Variants in RP1 observed in about 807,000 individuals in gnomAD.
RP1 encodes the protein RP1 axonemal microtubule associated, also known as oxygen-regulated protein 1.
A neutral mutation model predicts 14.8 loss-of-function variants in RP1; 16 were observed. The ratio of observed to expected loss-of-function variants is 1.08; its 90% CI spans 0.73 to 1.65. The LOEUF (loss-of-function observed/expected upper bound fraction) is 1.65, where lower values mean the gene tolerates loss of function less well. RP1 is among the 40% of genes most tolerant of loss of function. RP1 has a pLI of 0.00. For synonymous variants in RP1, 876 were observed against 883.6 expected (o/e 0.99, Z 0.15); for missense variants, 2,631 against 2,535.0 (o/e 1.04, Z -0.81).
intron 3 of RP1, among the ~76,000 whole-genome samples, chr8:54,647,220 A>G (rs1283748709): frequency 6.6e-6 from 1 of 152,098 alleles, no homozygotes; most frequent in Non-Finnish European, 1.5e-5. Context: ...GTTTGAGACC[A>G]GCCTGACCAA....
chr8:54,763,087 C>G (rs1391902045), intron 22 of RP1, among the ~76,000 whole-genome samples: 1 of 152,082 alleles, frequency 6.6e-6, no homozygotes, highest in Non-Finnish European at 1.5e-5. Flanking sequence ...ACCCAGTATA[C>G]TTTTTGAGTG....
rs551970585 is a variant in RP1, at chr8:54,849,929, C to T, written c.3836-2645C>T. Among the ~76,000 whole-genome samples, 10 of 152,214 alleles carry T rather than the reference C, an allele frequency of 6.6e-5. No homozygotes were observed. The South Asian group carries it at 2.1e-3, about 32-fold the overall frequency. ...CAAAAGTGAAAAAATAGTGAAAATA[C>T]ATAGTGTAGCTATCAATTGAATTGG... On this transcript the variant is annotated intron_variant, in intron 25 of 28. Transcript: ENST00000637698.
intron 1 of RP1, among the ~76,000 whole-genome samples, chr8:54,605,122 T>G (rs1805396304): frequency 6.6e-6 from 1 of 152,184 alleles, no homozygotes; most frequent in African/African-American, 2.4e-5. Context: ...TTCTTTTAAT[T>G]GTGATGTTAG....
chr8:54,639,054 A>C (rs200169384), intron 3 of RP1, among the ~76,000 whole-genome samples: 1 of 152,156 alleles, frequency 6.6e-6, no homozygotes, highest in Non-Finnish European at 1.5e-5. Flanking sequence ...CCATCACTCA[A>C]AAAAGGACTT....
chr8:54,644,012 A>T (rs1393544034), intron 3 of RP1, among the ~76,000 whole-genome samples: 1 of 152,228 alleles, frequency 6.6e-6, no homozygotes, highest in Non-Finnish European at 1.5e-5. Context: ...ATAATTTCAC[A>T]AAGTCCCAAA....
At chr8:54,781,046 A>G in intron 23 of RP1, 1 of 984,750 alleles carries the variant, frequency 1.0e-6, no homozygotes, top group Non-Finnish European at 1.2e-6. Context: ...AGTATTTTTA[A>G]CACAAAAGGA....
At chr8:54,744,109 T>C (rs1202705099) in intron 19 of RP1, among the ~76,000 whole-genome samples, 9 of 152,210 alleles carry the variant, frequency 5.9e-5, no homozygotes, top group Non-Finnish European at 4.4e-5. Flanking sequence ...AGGTAAAATC[T>C]ATTAACATTC....
chr8:54,770,214 C>T (rs1162693222), downstream of RP1: 1 of 399,728 alleles, frequency 2.5e-6, no homozygotes, highest in Admixed American at 4.3e-5. Flanking sequence ...TGAAATAATC[C>T]ATTTCTGTTT....
exon 13 of RP1, chr8:54,699,526 A>G (rs1289160129): frequency 5.0e-6 from 7 of 1,412,586 alleles, no homozygotes; most frequent in Non-Finnish European, 6.5e-6. Context: ...TCATGAGATG[A>G]GGCATCTTTC....
intron 12 of RP1, among the ~76,000 whole-genome samples, chr8:54,680,281 A>T (rs900075375): frequency 3.3e-5 from 5 of 152,218 alleles, no homozygotes; most frequent in African/African-American, 1.2e-4. Context: ...AGACAAATAC[A>T]ACAATTCTAA....
chr8:54,803,114 G>C (rs1436015699), intron 24 of RP1, among the ~76,000 whole-genome samples: 2 of 151,900 alleles, frequency 1.3e-5, no homozygotes, highest in Non-Finnish European at 2.9e-5. Flanking sequence ...CAACTTGCCT[G>C]GAAACCAAGA....
At chr8:54,725,902 A>G (rs1808643348) in intron 16 of RP1, among the ~76,000 whole-genome samples, 1 of 152,198 alleles carries the variant, frequency 6.6e-6, no homozygotes, top group Non-Finnish European at 1.5e-5. Flanking sequence ...AAAAGTAGCT[A>G]ATGTTTTCCA....
At chr8:54,614,180 G>A (rs990304313), upstream of RP1, among the ~76,000 whole-genome samples, 7 of 152,208 alleles carry the variant, frequency 4.6e-5, no homozygotes, top group Admixed American at 6.5e-5. Context: ...GATTTGAACT[G>A]AGGTCTGACT....
At position 54,625,281 on chromosome 8, in the gene RP1, G is replaced by A. The variant is rs1028734174; in HGVS notation, c.1399G>A (p.Val467Met). 1.2e-6 allele frequency: 2 copies of A among 1,614,062 alleles called. No homozygotes were observed. The highest frequency in any genetic ancestry group is 2.2e-5 in the East Asian group (1 of 44,890). ...ACAAAAGAAATCTGTGATTGGCAGT[G>A]TGACCTTAGTATCTGAAACTGAGGT... ...VRQKKSVIGS[V>M]TLVSETEVQE... The change falls in exon 4 of 4, where the codon GTG becomes ATG. Residue 467 changes from valine to methionine, a missense_variant. Transcript: ENST00000220676.
chr8:54,587,221 T>G (rs765116664), intron 1 of RP1, among the ~76,000 whole-genome samples: 1 of 151,834 alleles, frequency 6.6e-6, no homozygotes, highest in Admixed American at 6.6e-5. Flanking sequence ...AGGTGAGGAG[T>G]TTGAGACCGG....
At chr8:54,591,037 A>G (rs1805033924) in intron 1 of RP1, among the ~76,000 whole-genome samples, 1 of 152,146 alleles carries the variant, frequency 6.6e-6, no homozygotes, top group African/African-American at 2.4e-5. Context: ...ATATAACCCA[A>G]CCAATCCACT....
intron 18 of RP1, chr8:54,734,760 A>G: frequency 6.6e-7 from 1 of 1,517,040 alleles, no homozygotes; most frequent in Non-Finnish European, 8.8e-7. Context: ...CAACACTGGC[A>G]GTAATATTTT....
At chr8:54,737,283 C>T (rs1275028289) in intron 18 of RP1, among the ~76,000 whole-genome samples, 1 of 152,138 alleles carries the variant, frequency 6.6e-6, no homozygotes, top group South Asian at 2.1e-4. Flanking sequence ...AAGTCTTTCC[C>T]CCCTGGCTGG....
chr8:54,825,511 T>C (rs1256660034), intron 24 of RP1, among the ~76,000 whole-genome samples: 1 of 152,176 alleles, frequency 6.6e-6, no homozygotes, highest in Non-Finnish European at 1.5e-5. Flanking sequence ...AAAAACCTCG[T>C]TAAAAGGATG....
Sources: allele counts gnomAD v4.1 joint callset (sites outside exome capture counted in the v4.1 genomes callset), GRCh38; gene constraint gnomAD v4.1.1; transcripts MANE v1.5; gene names NCBI Gene and HGNC (gene_info 2026-07-23, HGNC 2026-07-21).